PHF8: variants seen among roughly 807,000 people sequenced by gnomAD.
PHF8 encodes histone lysine demethylase PHF8.
A neutral mutation model predicts 74.4 loss-of-function variants in PHF8; 9 were observed. The observed-to-expected ratio is 0.12, with a 90% CI of 0.07 to 0.21. The LOEUF (loss-of-function observed/expected upper bound fraction) is 0.21. Ranked by LOEUF, PHF8 falls within the 10% of genes least tolerant of loss-of-function variation. PHF8 has a pLI of 1.00. For missense variants in PHF8, 478 were observed against 816.6 expected (o/e 0.59, Z 5.05); for synonymous variants, 311 against 316.6 (o/e 0.98, Z 0.19).
chrX:53,995,296 G>A (rs1011763004), intron 12 of PHF8: 19 of 334,231 alleles, frequency 5.7e-5, no homozygotes, highest in Middle Eastern at 4.4e-4. Flanking sequence ...ACGACCCACC[G>A]TCAGAATTTA....
intron 12 of PHF8, among the ~76,000 whole-genome samples, chrX:53,994,397 G>A: frequency 8.9e-6 from 1 of 112,489 alleles, no homozygotes; most frequent in East Asian, 2.8e-4. Flanking sequence ...TTCTTGGGAG[G>A]AGCCCCGAGA....
intron 20 of PHF8, among the ~76,000 whole-genome samples, chrX:53,941,020 G>A (rs1603298919): frequency 8.9e-6 from 1 of 112,128 alleles, no homozygotes; most frequent in East Asian, 2.8e-4. Flanking sequence ...ATCTAACCAG[G>A]TCTATCTGAA....
intron 2 of PHF8, among the ~76,000 whole-genome samples, chrX:54,036,974 T>C (rs1379641920): frequency 1.9e-4 from 19 of 99,484 alleles, no homozygotes; most frequent in Non-Finnish European, 6.0e-5. Context: ...CACTCCAGCC[T>C]GGGCAACAGG....
intron 4 of PHF8, among the ~76,000 whole-genome samples, chrX:54,018,538 T>C (rs782368709): frequency 9.2e-6 from 1 of 108,694 alleles, no homozygotes; most frequent in Non-Finnish European, 1.9e-5. Flanking sequence ...TTTTAAATCA[T>C]GGTGGAGGAA....
At chrX:53,964,359 G>A (rs1193531487) in intron 18 of PHF8, among the ~76,000 whole-genome samples, 1 of 110,672 alleles carries the variant, frequency 9.0e-6, no homozygotes, top group African/African-American at 3.3e-5. Context: ...TTCTGCACAT[G>A]TATCCCAGAA....
intron 2 of PHF8, among the ~76,000 whole-genome samples, chrX:54,032,884 G>T (rs1557112963): frequency 9.0e-6 from 1 of 111,615 alleles, no homozygotes; most frequent in Admixed American, 9.6e-5. Flanking sequence ...GTAGCTTTGG[G>T]CACATTATTT....
intron 2 of PHF8, among the ~76,000 whole-genome samples, chrX:54,026,375 T>A (rs1354222004): frequency 1.1e-5 from 1 of 94,307 alleles, no homozygotes; most frequent in Non-Finnish European, 2.1e-5. Flanking sequence ...AAAAAAAAAA[T>A]CTGGATCATG....
In PHF8 at chrX:53,992,980, C is replaced by T. The variant is rs1355132824; in HGVS notation, c.1627-141G>A. ...CCTTCTGCTATACTGTCCCCCCATA[C>T]CCCCACTGATCACAGGAGCAGGAGG... On this transcript the variant is annotated intron_variant, in intron 13 of 21. Transcript: ENST00000338154. 6 of 500,982 alleles carry T rather than the reference C, an allele frequency of 1.2e-5. No individual in the cohort carries two copies. In the Admixed American group the frequency reaches 1.4e-4, roughly 11 times the overall value. The allele number at this position is 500,982 out of a possible 1,213,427, so 41.3% of individuals were successfully genotyped here. A position where few individuals can be genotyped will look rare whatever the true frequency, so the allele number is the denominator to read the frequency against.
intron 18 of PHF8, among the ~76,000 whole-genome samples, chrX:53,967,256 G>A (rs1399592703): frequency 1.5e-4 from 14 of 90,980 alleles, no homozygotes; most frequent in East Asian, 1.1e-3. Context: ...CGCCCCGTCC[G>A]GGAGGGAGGT....
intron 2 of PHF8, among the ~76,000 whole-genome samples, chrX:54,033,323 G>C (rs1221619713): frequency 8.9e-6 from 1 of 112,332 alleles, no homozygotes; most frequent in African/African-American, 3.2e-5. Context: ...TGTTAAGACT[G>C]AGATGACACA....
At chrX:53,999,720 T>C (rs2065800899) in intron 11 of PHF8, 150 bp downstream of exon 11, 2 of 447,638 alleles carry the variant, frequency 4.5e-6, no homozygotes, top group African/African-American at 4.9e-5. Flanking sequence ...TTTTAAAATG[T>C]AATCAAAGGA....
intron 19 of PHF8, among the ~76,000 whole-genome samples, chrX:53,946,905 G>GA (rs1237155814): frequency 9.0e-6 from 1 of 111,533 alleles, no homozygotes; most frequent in Non-Finnish European, 1.9e-5. Context: ...TTCAAGCAAA[G>GA]AAAAAAATTT....
chrX:53,985,789 A>G (rs1569526794), intron 17 of PHF8, 27 bp downstream of exon 17: 1 of 1,211,463 alleles, frequency 8.3e-7, no homozygotes, highest in African/African-American at 1.7e-5. Context: ...GATAGCCTGG[A>G]AAGGGGAGAT....
chrX:54,020,939 G>C (rs1287577284), intron 4 of PHF8, among the ~76,000 whole-genome samples: 2 of 111,933 alleles, frequency 1.8e-5, no homozygotes, highest in Non-Finnish European at 3.8e-5. Context: ...TCCCATTACT[G>C]GATTTACACC....
intron 8 of PHF8, among the ~76,000 whole-genome samples, chrX:54,004,542 T>C (rs1252688523): frequency 8.9e-6 from 1 of 111,888 alleles, no homozygotes; most frequent in African/African-American, 3.2e-5. Flanking sequence ...AATACCTTAG[T>C]GAGCAATTCC....
intron 18 of PHF8, among the ~76,000 whole-genome samples, chrX:53,981,166 A>G (rs1268007865): frequency 8.9e-6 from 1 of 112,756 alleles, no homozygotes; most frequent in African/African-American, 3.2e-5. Context: ...GTGAGCCCAG[A>G]TCACGCCACT....
intron 19 of PHF8, among the ~76,000 whole-genome samples, chrX:53,960,477 T>C (rs2065085912): frequency 9.2e-6 from 1 of 109,015 alleles, no homozygotes; most frequent in Non-Finnish European, 1.9e-5. Flanking sequence ...TGGCCAGGCG[T>C]GGTGGCTCAT....
chrX:54,014,860 G>A (rs2066036297), intron 6 of PHF8, among the ~76,000 whole-genome samples: 2 of 111,569 alleles, frequency 1.8e-5, no homozygotes, highest in Non-Finnish European at 3.8e-5. Context: ...TACTCACTTG[G>A]CATGTGGATT....
intron 10 of PHF8, among the ~76,000 whole-genome samples, chrX:54,001,288 T>C (rs1193232123): frequency 9.1e-6 from 1 of 109,547 alleles, no homozygotes; most frequent in Non-Finnish European, 1.9e-5. Context: ...ACTGCACCAC[T>C]GCACTCCAGC....
Sources: gnomAD v4.1 joint callset for allele counts (sites outside exome capture counted in the v4.1 genomes callset) on GRCh38, gnomAD v4.1.1 for gene constraint, MANE v1.5 for transcripts, NCBI Gene and HGNC (gene_info 2026-07-23, HGNC 2026-07-21) for gene names.